The following CELA2B variants were observed in gnomAD, a reference collection of about 807,000 sequenced individuals.
CELA2B encodes the protein chymotrypsin-like elastase family member 2B.
In CELA2B, 27 loss-of-function variants were observed where a neutral mutation model predicts 36.5. The observed-to-expected ratio is 0.74, with a 90% CI of 0.55 to 1.02. The LOEUF is 1.02. Ranked by LOEUF, CELA2B falls within the 50% of genes least tolerant of loss-of-function variation. The pLI, the probability that CELA2B is intolerant of heterozygous loss-of-function variation, is 0.00. For synonymous variants in CELA2B, 143 were observed against 148.5 expected (o/e 0.96, Z 0.27); for missense variants, 340 against 347.8 (o/e 0.98, Z 0.18).
chr1:15,484,901 A>ATT lies in CELA2B; in HGVS notation c.494-987_494-986dup, dbSNP rs1173212338. Among the ~76,000 whole-genome samples, 868 of 145,834 alleles carry ATT rather than the reference A, an allele frequency of 6.0e-3. 6 individuals are homozygous for ATT. The highest frequency in any genetic ancestry group is 0.022 in the East Asian group (111 of 5,002). ...AGAATGGTCTTAAGCAAAAAGCTTG[A>ATT]TTTTTTTTTTTTTTGAGACAGAGTC... On this transcript the variant is annotated intron_variant, in intron 5 of 7. Transcript: ENST00000375910.
At chr1:15,484,851 C>T (rs6675825) in intron 5 of CELA2B, among the ~76,000 whole-genome samples, 44,508 of 151,938 alleles carry the variant, frequency 0.29, 7,014 homozygotes, top group East Asian at 0.58. Context: ...CAAAATGTTA[C>T]ACAAGTGTTA....
At chr1:15,486,758 G>C (rs1380794258) in intron 6 of CELA2B, among the ~76,000 whole-genome samples, 3 of 152,224 alleles carry the variant, frequency 2.0e-5, no homozygotes, top group African/African-American at 7.2e-5. Flanking sequence ...CCTTCCTGGA[G>C]ACAGTGTCTT....
At position 15,482,317 on chromosome 1, in the gene CELA2B, G is replaced by C. The variant is rs559018886; in HGVS notation, c.280G>C (p.Glu94Gln). 2.1e-5 allele frequency: 34 copies of C among 1,614,042 alleles called. No individual in the cohort carries two copies. The highest frequency in any genetic ancestry group is 8.3e-5 in the Admixed American group (5 of 59,986). The change falls in exon 4 of 8, where the codon GAG becomes CAG. Residue 94 changes from glutamate to glutamine, a missense_variant. Physicochemically the swap from Glu to Gln is conservative, Grantham distance 29. Coordinates refer to ENST00000375910, the MANE Select transcript of CELA2B (RefSeq NM_015849.3). ...MLGQHNLYVA[E>Q]SGSLAVSVSK... ...GGGCCAGCATAACCTCTACGTTGCA[G>C]AGTCCGGCTCGCTGGCCGTCAGTGT...
At chr1:15,491,137 GA>G (rs1708885496) in intron 7 of CELA2B, 157 bp from the exon 8 acceptor site, 1 of 786,656 alleles carries the variant, frequency 1.3e-6, no homozygotes, top group African/African-American at 1.7e-5. Context: ...CTTTTTCTCC[GA>G]AACATCATCT....
In CELA2B at chr1:15,485,923, C is replaced by T; in HGVS notation, c.516C>T (p.Asp172=). ...RLQTNGALPD[D]LKQGQLLVVD... ...CAGCCAACGGGGCTCTCCCTGATGA[C>T]CTGAAGCAGGGCCAGTTGCTGGTTG... The change falls in exon 6 of 8, where the codon GAC becomes GAT. Residue 172 remains aspartate (D), a synonymous_variant. Transcript: ENST00000375910. 1 of 1,614,214 alleles carries T rather than the reference C, an allele frequency of 6.2e-7. No homozygotes were observed. Among genetic ancestry groups the T allele is most frequent in the Non-Finnish European group, 8.5e-7 (1 of 1,180,042 alleles).
At chr1:15,480,442 T>C (rs1350883453) in intron 2 of CELA2B, among the ~76,000 whole-genome samples, 1 of 152,128 alleles carries the variant, frequency 6.6e-6, no homozygotes, top group African/African-American at 2.4e-5. Context: ...AACAAAGACA[T>C]ACCTGAGACT....
intron 2 of CELA2B, among the ~76,000 whole-genome samples, chr1:15,478,221 G>A (rs1441646255): frequency 5.6e-5 from 2 of 35,698 alleles, no homozygotes; most frequent in South Asian, 1.1e-3. Context: ...TATATATTGG[G>A]ATATATAGTT....
At chr1:15,477,319 G>A (rs542640730) in intron 2 of CELA2B, among the ~76,000 whole-genome samples, 10 of 152,192 alleles carry the variant, frequency 6.6e-5, no homozygotes, top group Admixed American at 4.6e-4. Context: ...CTAAACTGCC[G>A]AGTGGGGCAC....
intron 3 of CELA2B, 86 bp from the exon 4 acceptor site, chr1:15,482,179 G>T (rs1394570453): frequency 6.6e-6 from 10 of 1,520,790 alleles, no homozygotes; most frequent in Non-Finnish European, 8.9e-6. Flanking sequence ...GGCTCATGAA[G>T]CAGCCAGTTA....
rs1462314708 is a variant in CELA2B, at chr1:15,481,140, T to C, written c.172T>C (p.Cys58Arg). ...CTCCAATGGCCAGTGGTACCACACC[T>C]GCGGAGGGTCCCTGATAGCCAACAG... ...YSSNGQWYHT[C>R]GGSLIANSWV... Residue 58 changes from cysteine to arginine, a missense_variant, in exon 3 of 8, where the codon TGC becomes CGC. Physicochemically the swap from Cys to Arg is radical, Grantham distance 180. Coordinates refer to ENST00000375910, the MANE Select transcript of CELA2B (RefSeq NM_015849.3). The C allele has an allele frequency of 1.2e-6, 2 of 1,613,552 alleles. No homozygotes were observed. The highest frequency in any genetic ancestry group is 2.2e-5 in the South Asian group (2 of 91,044).
chr1:15,478,959 G>A (rs1708706495), intron 2 of CELA2B, among the ~76,000 whole-genome samples: 1 of 152,170 alleles, frequency 6.6e-6, no homozygotes, highest in Non-Finnish European at 1.5e-5. Flanking sequence ...GACTTGGAAA[G>A]GTTACAGAAT....
chr1:15,478,786 C>G (rs1489474633), intron 2 of CELA2B, among the ~76,000 whole-genome samples: 1 of 151,558 alleles, frequency 6.6e-6, no homozygotes, highest in Non-Finnish European at 1.5e-5. Context: ...AGGCTTGTCT[C>G]AAACTCCTGA....
At chr1:15,490,107 C>T (rs890165562) in intron 7 of CELA2B, among the ~76,000 whole-genome samples, 9 of 152,162 alleles carry the variant, frequency 5.9e-5, no homozygotes, top group African/African-American at 2.2e-4. Flanking sequence ...CTCCTGACCT[C>T]AGGTGATCTG....
At chr1:15,480,546 G>C (rs1370732927) in intron 2 of CELA2B, among the ~76,000 whole-genome samples, 1 of 152,118 alleles carries the variant, frequency 6.6e-6, no homozygotes, top group African/African-American at 2.4e-5. Context: ...GAAGGGGAAG[G>C]AAACACATCC....
Position 15,487,283 on chromosome 1 carries a change from AGGGAGACTCC to A in CELA2B, c.641_650del (p.Gly214ValfsTer4). 1 of 1,614,092 alleles carries A rather than the reference AGGGAGACTCC, an allele frequency of 6.2e-7. No homozygotes were observed. The highest frequency in any genetic ancestry group is 1.1e-5 in the South Asian group (1 of 91,088). Reference sequence around the variant, plus strand: ...ACTCCCTATAACTCTGGCCTTCCTCAGGGAGACTCCGGTGGGCCGCTGAACTGTCAGGCAT... The same window carrying A: ...ACTCCCTATAACTCTGGCCTTCCTCAGGTGGGCCGCTGAACTGTCAGGCAT... On this transcript the variant is annotated splice_acceptor_variant and coding_sequence_variant, in exon 7 of 8. Transcript: ENST00000375910. LOFTEE classifies it high-confidence loss of function.
At chr1:15,488,213 T>A (rs1004949120) in intron 7 of CELA2B, among the ~76,000 whole-genome samples, 2 of 151,948 alleles carry the variant, frequency 1.3e-5, no homozygotes, top group African/African-American at 4.8e-5. Context: ...ATAGCGAGAC[T>A]CTGTCTTTAC....
At chr1:15,482,451 T>C in intron 4 of CELA2B, 58 bp downstream of exon 4, 14 of 1,609,734 alleles carry the variant, frequency 8.7e-6, no homozygotes, top group Non-Finnish European at 1.1e-5. Flanking sequence ...GATGGGGGTC[T>C]CACAGAGGCA....
rs761598862 is a variant in CELA2B, at chr1:15,486,021, G to C, written c.614G>C (p.Gly205Ala). The change falls in exon 6 of 8, where the codon GGT becomes GCT. Residue 205 changes from glycine (G) to alanine (A), a missense_variant. Coordinates refer to ENST00000375910, the MANE Select transcript of CELA2B (RefSeq NM_015849.3). The part of the protein sequence containing the change: ...TVKTNMICAG[G>A]DGVICTCNGD... ...AAGACGAATATGATCTGTGCTGGGG[G>C]TGATGGCGTGATATGCACCTGCAAC... is the stretch of plus-strand genomic sequence containing the variant. 3 of 1,614,080 alleles carry C rather than the reference G, an allele frequency of 1.9e-6. No homozygotes were observed. In the Admixed American group the frequency reaches 5.0e-5, roughly 27 times the overall value.
intron 2 of CELA2B, among the ~76,000 whole-genome samples, chr1:15,479,073 C>T (rs1195938205): frequency 6.6e-6 from 1 of 152,150 alleles, no homozygotes; most frequent in Non-Finnish European, 1.5e-5. Flanking sequence ...ATACGTATTA[C>T]GTGGACGAAA....
Sources: gnomAD v4.1 joint callset for allele counts (sites outside exome capture counted in the v4.1 genomes callset) on GRCh38, gnomAD v4.1.1 for gene constraint, MANE v1.5 for transcripts, NCBI Gene and HGNC (gene_info 2026-07-23, HGNC 2026-07-21) for gene names.